SHROOM4: variants seen among roughly 807,000 people sequenced by gnomAD.
The protein encoded by SHROOM4 is shroom family member 4.
In SHROOM4, 17 loss-of-function variants were observed where a neutral mutation model predicts 80.3. The ratio of observed to expected loss-of-function variants is 0.21; its 90% CI spans 0.14 to 0.32. The LOEUF is 0.32. SHROOM4 is among the 10% of genes least tolerant of loss of function. The probability of loss-of-function intolerance (pLI) is 1.00; values close to 1 mark genes in which losing one functional copy is unlikely to be tolerated. For synonymous variants in SHROOM4, 400 were observed against 437.5 expected, an observed-to-expected ratio of 0.91 and a Z score of 1.07; for missense variants, 993 against 1,140.3, an observed-to-expected ratio of 0.87 and a Z score of 1.86.
At chrX:50,770,615 CT>C (rs1935375990) in intron 1 of SHROOM4, among the ~76,000 whole-genome samples, 1 of 112,187 alleles carries the variant, frequency 8.9e-6, no homozygotes, top group Non-Finnish European at 1.9e-5. Context: ...CTTATTACTG[CT>C]TATGGCAAAC....
chrX:50,712,873 A>G (rs1419449808), intron 1 of SHROOM4, among the ~76,000 whole-genome samples: 1 of 111,188 alleles, frequency 9.0e-6, no homozygotes, highest in Non-Finnish European at 1.9e-5. Flanking sequence ...TGCGTATCCC[A>G]TCATTCACTA....
chrX:50,756,990 G>C (rs1281315593), intron 1 of SHROOM4, among the ~76,000 whole-genome samples: 9 of 111,682 alleles, frequency 8.1e-5, no homozygotes, highest in African/African-American at 2.9e-4. Flanking sequence ...TAAATTTTAA[G>C]TCCAGCTTAC....
intron 1 of SHROOM4, among the ~76,000 whole-genome samples, chrX:50,741,002 G>A (rs1443402433): frequency 1.8e-5 from 2 of 111,126 alleles, no homozygotes; most frequent in Non-Finnish European, 3.8e-5. Flanking sequence ...TCATTCTTCT[G>A]TATGTGGACA....
At chrX:50,668,067 G>A (rs1044984942) in intron 2 of SHROOM4, among the ~76,000 whole-genome samples, 1 of 112,166 alleles carries the variant, frequency 8.9e-6, no homozygotes, top group Non-Finnish European at 1.9e-5. Flanking sequence ...CTATTAATAA[G>A]GTGTCGCAAA....
intron 2 of SHROOM4, chrX:50,687,283 T>TTTTTTTTTTTTTTTTTA (rs1491228888): frequency 9.4e-6 from 1 of 106,507 alleles, no homozygotes; most frequent in African/African-American, 3.5e-5. Flanking sequence ...TTTTTTTTTT[T>TTTTTTTTTTTTTTTTTA]AAAAACAGCT....
intron 2 of SHROOM4, among the ~76,000 whole-genome samples, chrX:50,663,097 G>T (rs1932567908): frequency 9.0e-6 from 1 of 111,138 alleles, no homozygotes; most frequent in African/African-American, 3.3e-5. Context: ...TCATTCTAAG[G>T]CTCCAGGACA....
intron 2 of SHROOM4, 73 bp from the exon 3 acceptor site, chrX:50,638,381 C>A: frequency 1.7e-6 from 2 of 1,158,716 alleles, no homozygotes; most frequent in Non-Finnish European, 2.3e-6. Flanking sequence ...AGCTTCCGCC[C>A]CACCCCCTCT....
chrX:50,800,638 G>A, intron 1 of SHROOM4, among the ~76,000 whole-genome samples: 1 of 111,423 alleles, frequency 9.0e-6, no homozygotes, highest in Non-Finnish European at 1.9e-5. Flanking sequence ...GAGAAAATCG[G>A]AGGCCAGAAT....
intron 5 of SHROOM4, among the ~76,000 whole-genome samples, chrX:50,611,144 CT>C (rs782473243): frequency 1.1e-3 from 75 of 68,201 alleles, no homozygotes; most frequent in Middle Eastern, 0.028. Flanking sequence ...TTCTTTTTTT[CT>C]TTTTTTTTTT....
Position 50,586,812 on chromosome X carries a change from T to C in SHROOM4, c.*9883A>G, listed in dbSNP as rs1174126816. On this transcript the variant is annotated 3_prime_UTR_variant, in exon 9 of 9. Transcript: ENST00000376020. ...GAAAATATCTTTGGTGAAAATCTTT[T>C]ATTGTATATATTTAAGGTGTACAAA... is the stretch of plus-strand genomic sequence containing the variant. 8.9e-6 allele frequency among the ~76,000 whole-genome samples: 1 copy of C among 112,263 alleles called. No homozygotes were observed. Among genetic ancestry groups the C allele is most frequent in the Non-Finnish European group, 1.9e-5 (1 of 53,211 alleles).
intron 5 of SHROOM4, among the ~76,000 whole-genome samples, chrX:50,611,641 T>C (rs1450370183): frequency 9.0e-6 from 1 of 110,620 alleles, no homozygotes; most frequent in Non-Finnish European, 1.9e-5. Flanking sequence ...ACTTGTAGGC[T>C]GGGCGTGGCA....
chrX:50,686,244 C>T (rs969815581), intron 2 of SHROOM4, among the ~76,000 whole-genome samples: 1 of 110,133 alleles, frequency 9.1e-6, no homozygotes, highest in East Asian at 2.9e-4. Flanking sequence ...ACCGTGTTAG[C>T]CAGGATGGTC....
chrX:50,720,785 A>C (rs1051395924), intron 1 of SHROOM4, among the ~76,000 whole-genome samples: 1 of 111,843 alleles, frequency 8.9e-6, no homozygotes, highest in Non-Finnish European at 1.9e-5. Flanking sequence ...CTAATGGAGA[A>C]AAAGATGGAA....
In SHROOM4 at chrX:50,608,088, A is replaced by G; in HGVS notation, c.3054T>C (p.Ile1018=). Residue 1018 remains isoleucine, a synonymous_variant, in exon 6 of 9, where the codon ATT becomes ATC. Coordinates refer to ENST00000376020, the MANE Select transcript of SHROOM4 (RefSeq NM_020717.5). ...AGTCTCCAAGGAGGTCAAGAGAAGA[A>G]ATTGCTCGGTAGCTTGACAAGTCCA... ...PALDLSSYRA[I]SSLDLLGDFK... 2.5e-6 allele frequency: 3 copies of G among 1,211,483 alleles called. No homozygotes were observed. The highest frequency in any genetic ancestry group is 3.4e-6 in the Non-Finnish European group (3 of 895,442).
intron 2 of SHROOM4, among the ~76,000 whole-genome samples, chrX:50,665,677 C>A (rs1932669448): frequency 9.1e-6 from 1 of 110,235 alleles, no homozygotes; most frequent in Non-Finnish European, 1.9e-5. Flanking sequence ...GTACCTCAGT[C>A]TCCTTATCTG....
At chrX:50,600,927 T>G (rs1557247549) in intron 7 of SHROOM4, among the ~76,000 whole-genome samples, 1 of 112,026 alleles carries the variant, frequency 8.9e-6, no homozygotes, top group African/African-American at 3.2e-5. Context: ...GGACAAAGGA[T>G]GGCTAGGGGC....
In SHROOM4 at chrX:50,633,926, T is replaced by C. The variant is rs1429923897; in HGVS notation, c.2147A>G (p.His716Arg). 1.7e-6 allele frequency: 2 copies of C among 1,210,194 alleles called. No individual in the cohort carries two copies. The highest frequency in any genetic ancestry group is 1.7e-5 in the African/African-American group (1 of 57,149). Reference sequence around the variant, plus strand: ...ACCTCCACGGACTCCACAGTGAGCATGTGCTTTCTCAGGGTCTGAGGAGGA... The same window carrying C: ...ACCTCCACGGACTCCACAGTGAGCACGTGCTTTCTCAGGGTCTGAGGAGGA... ...DPSSSDPEKA[H>R]AHCGVRGGHW... is the part of the protein sequence containing the mutation. Residue 716 changes from histidine to arginine, a missense_variant, in exon 4 of 9, where the codon CAT becomes CGT. Physicochemically the swap from His to Arg is conservative, Grantham distance 29 (BLOSUM62 0). Transcript: ENST00000376020.
intron 2 of SHROOM4, chrX:50,649,834 T>G (rs1931973086): frequency 8.9e-6 from 1 of 112,593 alleles, no homozygotes; most frequent in African/African-American, 3.2e-5. Flanking sequence ...GGTATGTGAA[T>G]TATATTTAAG....
rs1286086896 is a variant in SHROOM4, at chrX:50,795,135, TATATATATATG to T, written c.117+18756_117+18766del. On this transcript the variant is annotated intron_variant, in intron 1 of 8. Coordinates refer to ENST00000376020, the MANE Select transcript of SHROOM4 (RefSeq NM_020717.5). Reference sequence around the variant, plus strand: ...ATATGATATATATATATGATATATATATATATATATGATATATATATATATATATATGATAT... The same window carrying T: ...ATATGATATATATATATGATATATATATATATATATATATATATATGATAT... 4.0e-3 allele frequency among the ~76,000 whole-genome samples: 11 copies of T among 2,774 alleles called. 2 individuals carry two copies. The highest frequency in any genetic ancestry group is 5.3e-3 in the African/African-American group (10 of 1,876). The allele number at this position is 2,774 out of a possible 115,157, so 2.4% of individuals were successfully genotyped here.
Sources: allele counts gnomAD v4.1 joint callset (sites outside exome capture counted in the v4.1 genomes callset), GRCh38; gene constraint gnomAD v4.1.1; transcripts MANE v1.5; gene names NCBI Gene and HGNC (gene_info 2026-07-23, HGNC 2026-07-21).